TMEM184C: variants seen among roughly 807,000 people sequenced by gnomAD.
The protein encoded by TMEM184C is transmembrane protein 184C.
Under a neutral mutation model 54.5 loss-of-function variants are expected in TMEM184C, and 25 were observed. The observed-to-expected ratio is 0.46, with a 90% CI of 0.33 to 0.64. The LOEUF (loss-of-function observed/expected upper bound fraction) is 0.64, where lower values mean the gene tolerates loss of function less well. Ranked by LOEUF, TMEM184C falls within the 30% of genes least tolerant of loss-of-function variation. The pLI, the probability that TMEM184C is intolerant of heterozygous loss-of-function variation, is 0.02. For missense variants in TMEM184C, 335 were observed against 520.3 expected (o/e 0.64, Z 3.46); for synonymous variants, 148 against 181.5 (o/e 0.82, Z 1.49).
At position 147,617,951 on chromosome 4, in the gene TMEM184C, GA is replaced by G. The variant is rs779515445; in HGVS notation, c.-2del. The stretch of plus-strand genomic sequence containing the variant: ...CTTGCTAACCGGATCTGATTTGTGC[GA>G]AAACATGCCTTGCACTTGTACCTGG... On this transcript the variant is annotated 5_prime_UTR_variant, in exon 1 of 10. Coordinates refer to ENST00000296582, the MANE Select transcript of TMEM184C (RefSeq NM_018241.3). 1.2e-6 allele frequency: 2 copies of G among 1,613,988 alleles called. No individual in the cohort carries two copies. The highest frequency in any genetic ancestry group is 1.7e-6 in the Non-Finnish European group (2 of 1,179,930).
At chr4:147,622,993 G>A (rs758891847) in intron 1 of TMEM184C, among the ~76,000 whole-genome samples, 2 of 152,106 alleles carry the variant, frequency 1.3e-5, no homozygotes, top group Non-Finnish European at 2.9e-5. Context: ...GAACCCCTGG[G>A]CTCAAGCAAT....
At chr4:147,619,041 GTATTT>G (rs1468840108) in intron 1 of TMEM184C, among the ~76,000 whole-genome samples, 2 of 151,012 alleles carry the variant, frequency 1.3e-5, no homozygotes, top group African/African-American at 4.9e-5. Flanking sequence ...GGCTAATTTT[GTATTT>G]TTAGTAGCGA....
intron 8 of TMEM184C, 104 bp downstream of exon 8, chr4:147,633,106 C>A: frequency 1.1e-6 from 1 of 920,248 alleles, no homozygotes; most frequent in Non-Finnish European, 1.6e-6. Flanking sequence ...GGCTATTATC[C>A]TCACTTTACA....
At chr4:147,629,887 C>T (rs1443612955) in intron 6 of TMEM184C, among the ~76,000 whole-genome samples, 195 bp downstream of exon 6, 1 of 150,966 alleles carries the variant, frequency 6.6e-6, no homozygotes, top group African/African-American at 2.4e-5. Flanking sequence ...GATATAATAA[C>T]ATCTTTGTTT....
chr4:147,631,869 A>C (rs1020628824), intron 7 of TMEM184C, among the ~76,000 whole-genome samples: 4 of 152,180 alleles, frequency 2.6e-5, no homozygotes, highest in Non-Finnish European at 5.9e-5. Context: ...CAGAAGGTAA[A>C]ACTATACATA....
At position 147,636,146 on chromosome 4, in the gene TMEM184C, C is replaced by T. The variant is rs1221416494; in HGVS notation, c.*1712C>T. On this transcript the variant is annotated 3_prime_UTR_variant, in exon 10 of 10. Transcript: ENST00000296582. Reference sequence around the variant, plus strand: ...AAAAAATCCTAAAATTCATATGTAACGATAAAAGACCCTGAATAGGCAAAA... The same window carrying T: ...AAAAAATCCTAAAATTCATATGTAATGATAAAAGACCCTGAATAGGCAAAA... The T allele has an allele frequency of 5.3e-5, 8 of 151,846 alleles. No homozygotes were observed. Among genetic ancestry groups the T allele is most frequent in the African/African-American group, 1.5e-4 (6 of 41,338 alleles). The allele number at this position is 151,846 out of a possible 1,614,324, so 9.4% of individuals were successfully genotyped here.
intron 1 of TMEM184C, among the ~76,000 whole-genome samples, chr4:147,621,872 T>G (rs1183294570): frequency 6.6e-6 from 1 of 152,216 alleles, no homozygotes; most frequent in Non-Finnish European, 1.5e-5. Flanking sequence ...CACTTGACCT[T>G]CATTAGTCAC....
intron 5 of TMEM184C, among the ~76,000 whole-genome samples, chr4:147,629,205 A>G (rs1019241391): frequency 1.3e-5 from 2 of 152,118 alleles, no homozygotes; most frequent in African/African-American, 4.8e-5. Flanking sequence ...AGGGGAAAAA[A>G]TTAACAACTA....
chr4:147,622,014 T>C (rs1732719577), intron 1 of TMEM184C, among the ~76,000 whole-genome samples: 1 of 148,692 alleles, frequency 6.7e-6, no homozygotes, highest in African/African-American at 2.5e-5. Flanking sequence ...AGCCAGGGTC[T>C]CGCTCTGTCA....
rs536224010 is a variant in TMEM184C at position 147,626,660 on chromosome 4, A to G, written c.497+1651A>G. Among the ~76,000 whole-genome samples, 8 of 152,374 alleles carry G rather than the reference A, an allele frequency of 5.3e-5. No homozygotes were observed. In the East Asian group the frequency reaches 1.3e-3, roughly 26 times the overall value. ...CTACTAATGTGTTCATTTGACAAAT[A>G]TATGTTGAGCACCAAGTACGTGCTA... On this transcript the variant is annotated intron_variant, in intron 4 of 9. Transcript: ENST00000296582.
chr4:147,625,884 T>G (rs556701024), intron 4 of TMEM184C, among the ~76,000 whole-genome samples: 202 of 152,306 alleles, frequency 1.3e-3, no homozygotes, highest in Non-Finnish European at 2.5e-3. Flanking sequence ...GTTTTATTAT[T>G]ACTCAAATCA....
rs1732624002 is a variant in TMEM184C, at chr4:147,617,741, C to G, written c.-216C>G. 1 of 558,908 alleles carries G rather than the reference C, an allele frequency of 1.8e-6. No individual in the cohort carries two copies. The allele number at this position is 558,908 out of a possible 1,614,324, so 34.6% of individuals were successfully genotyped here. The stretch of plus-strand genomic sequence containing the variant: ...AGAAGAAAGGATGTTGCCTGCACTG[C>G]TCGCCAATAGCACCCTGAGAGGCTA... On this transcript the variant is annotated 5_prime_UTR_variant, in exon 1 of 10. Transcript: ENST00000296582.
At chr4:147,631,241 C>T (rs922011225) in intron 6 of TMEM184C, 152 bp from the exon 7 acceptor site, 101 of 542,708 alleles carry the variant, frequency 1.9e-4, no homozygotes, top group Middle Eastern at 4.8e-4. Context: ...CTATAGTAAA[C>T]TATGAAAGCT....
At position 147,634,232 on chromosome 4, in the gene TMEM184C, A is replaced by T. The variant is rs754925223; in HGVS notation, c.1115A>T (p.His372Leu). The T allele has an allele frequency of 6.2e-7, 1 of 1,614,176 alleles. No homozygotes were observed. The highest frequency in any genetic ancestry group is 8.5e-7 in the Non-Finnish European group (1 of 1,180,000). The stretch of plus-strand genomic sequence containing the variant: ...CCCGAGGATCAAGATCAAAATGAAC[A>T]TACAAGTTTATTATCATCATCATCA... ...LFPEDQDQNE[H>L]TSLLSSSSQD... Residue 372 changes from histidine to leucine, a missense_variant, in exon 10 of 10, where the codon CAT (histidine) becomes CTT (leucine). His to Leu is a moderately conservative substitution (Grantham distance 99). Coordinates refer to ENST00000296582, the MANE Select transcript of TMEM184C (RefSeq NM_018241.3).
chr4:147,623,103 T>C (rs1282658683), intron 1 of TMEM184C, among the ~76,000 whole-genome samples: 1 of 152,202 alleles, frequency 6.6e-6, no homozygotes, highest in Non-Finnish European at 1.5e-5. Context: ...TTTTGTTTTC[T>C]ACCTCTTTTA....
Position 147,623,816 on chromosome 4 carries a change from G to A in TMEM184C, c.124-18G>A. The A allele has an allele frequency of 1.2e-6, 2 of 1,611,550 alleles. No homozygotes were observed. Among genetic ancestry groups the A allele is most frequent in the Non-Finnish European group, 1.7e-6 (2 of 1,178,910 alleles). On this transcript the variant is annotated intron_variant, in intron 1 of 9. Transcript: ENST00000296582. ...TTAATATCAGAATTTATATTAACAT[G>A]TTATTTTGTTTCTTAAGGTTGGAAT...
Position 147,634,390 on chromosome 4 carries a change from A to C in TMEM184C, c.1273A>C (p.Ile425Leu). The C allele has an allele frequency of 6.2e-7, 1 of 1,613,992 alleles. No homozygotes were observed. Among genetic ancestry groups the C allele is most frequent in the South Asian group, 1.1e-5 (1 of 91,048 alleles). ...KISDEILSDT[I>L]GEKKEPSDKS... ...ATCTGATGAAATCCTTAGTGATACT[A>C]TAGGAGAGAAAAAAGAACCTTCAGA... The change falls in exon 10 of 10, where the codon ATA becomes CTA. Residue 425 changes from isoleucine to leucine, a missense_variant. Ile to Leu is a conservative substitution (Grantham distance 5). Transcript: ENST00000296582.
chr4:147,618,023 C>G lies in TMEM184C; in HGVS notation c.67C>G (p.Leu23Val). The change falls in exon 1 of 10, where the codon CTG becomes GTG. Residue 23 changes from leucine (L) to valine (V), a missense_variant. Leu to Val is a conservative substitution (Grantham distance 32, BLOSUM62 1). Coordinates refer to ENST00000296582, the MANE Select transcript of TMEM184C (RefSeq NM_018241.3). ...TCGACCTTTAGTAGCGGTCATCTAC[C>G]TGGTGTCAATAGTGGTTGCGGTTCC... ...WIRPLVAVIY[L>V]VSIVVAVPLC... The G allele has an allele frequency of 6.2e-7, 1 of 1,614,154 alleles. No homozygotes were observed. Among genetic ancestry groups the G allele is most frequent in the East Asian group, 2.2e-5 (1 of 44,890 alleles).
At position 147,634,032 on chromosome 4, in the gene TMEM184C, G is replaced by C. The variant is rs924487361; in HGVS notation, c.1051+96G>C. The C allele has an allele frequency of 4.8e-5, 73 of 1,521,138 alleles. No individual in the cohort carries two copies. The East Asian group carries it at 7.0e-4, about 15-fold the overall frequency. 94.2% of individuals were successfully genotyped at this position (1,521,138 alleles called of 1,614,324 possible). On this transcript the variant is annotated intron_variant, in intron 9 of 9. Transcript: ENST00000296582. ...TATTATCTATTTAGAGATGAAAAAA[G>C]ACTTTAAAGCAGTACCACAGTGCAG...
Sources: allele counts gnomAD v4.1 joint callset (sites outside exome capture counted in the v4.1 genomes callset), GRCh38; gene constraint gnomAD v4.1.1; transcripts MANE v1.5; gene names NCBI Gene and HGNC (gene_info 2026-07-23, HGNC 2026-07-21).